The following PALLD variants were observed in gnomAD, a reference collection of about 807,000 sequenced individuals.
The protein encoded by PALLD is palladin, cytoskeletal associated protein.
A neutral mutation model predicts 123.5 loss-of-function variants in PALLD; 61 were observed. The observed-to-expected ratio is 0.49, with a 90% CI of 0.40 to 0.61. PALLD has a LOEUF of 0.61. PALLD is among the 20% of genes least tolerant of loss of function. The pLI, the probability that PALLD is intolerant of heterozygous loss-of-function variation, is 0.00. For synonymous variants in PALLD, 465 were observed against 496.4 expected (o/e 0.94, Z 0.84); for missense variants, 1,273 against 1,377.0 (o/e 0.92, Z 1.20).
chr4:168,513,727 A>G (rs1762739932), intron 2 of PALLD, among the ~76,000 whole-genome samples: 4 of 152,222 alleles, frequency 2.6e-5, no homozygotes, highest in Admixed American at 2.6e-4. Flanking sequence ...ATTATACTAC[A>G]CAAATAATGA....
chr4:168,598,180 G>A (rs576969718), intron 2 of PALLD: 2 of 293,198 alleles, frequency 6.8e-6, no homozygotes, highest in Non-Finnish European at 1.4e-5. Context: ...TAAAACTTTG[G>A]AACCACTGGC....
At chr4:168,672,477 G>C (rs766408631) in intron 3 of PALLD, among the ~76,000 whole-genome samples, 14 of 109,892 alleles carry the variant, frequency 1.3e-4, no homozygotes, top group Non-Finnish European at 3.6e-5. Context: ...TTTTTTTTTT[G>C]AGACGGAGTC....
intron 2 of PALLD, among the ~76,000 whole-genome samples, chr4:168,541,617 AT>A (rs570935622): frequency 2.3e-4 from 35 of 151,818 alleles, no homozygotes; most frequent in Non-Finnish European, 4.9e-4. Flanking sequence ...CACCTGGCTA[AT>A]TTTTTTGTAT....
At chr4:168,537,379 G>T (rs987453821) in intron 2 of PALLD, among the ~76,000 whole-genome samples, 2 of 152,164 alleles carry the variant, frequency 1.3e-5, no homozygotes, top group African/African-American at 2.4e-5. Context: ...TATTTTCAAT[G>T]ATTGAAGCAA....
chr4:168,502,350 C>CAAA (rs1761502249), intron 1 of PALLD, among the ~76,000 whole-genome samples: 4 of 152,096 alleles, frequency 2.6e-5, no homozygotes, highest in Non-Finnish European at 1.5e-5. Flanking sequence ...GAGAAACTTT[C>CAAA]TTTGAGGGTA....
chr4:168,663,066 TA>T (rs1203343602), intron 2 of PALLD, among the ~76,000 whole-genome samples: 3 of 152,252 alleles, frequency 2.0e-5, no homozygotes, highest in Non-Finnish European at 4.4e-5. Flanking sequence ...TGGCCGATAT[TA>T]AACTATTTGT....
In PALLD at chr4:168,510,806, C is replaced by T. The variant is rs192289951; in HGVS notation, c.-82-617C>T. Among the ~76,000 whole-genome samples, 205 of 152,266 alleles carry T rather than the reference C, an allele frequency of 1.3e-3. 1 individual carries two copies. The highest frequency in any genetic ancestry group is 8.5e-4 in the Non-Finnish European group (58 of 68,020). The stretch of plus-strand genomic sequence containing the variant: ...TTGAGTAATTATAATAGAGGCTGAA[C>T]AGCTCACAAAGTCAAGAGTATCTAC... On this transcript the variant is annotated intron_variant, in intron 1 of 21. Coordinates refer to ENST00000505667, the MANE Select transcript of PALLD (RefSeq NM_001166108.2).
intron 10 of PALLD, among the ~76,000 whole-genome samples, chr4:168,858,545 G>A (rs1472290044): frequency 6.6e-6 from 1 of 151,934 alleles, no homozygotes; most frequent in Non-Finnish European, 1.5e-5. Flanking sequence ...CACTTTGGGA[G>A]GCCAACTCAG....
intron 8 of PALLD, among the ~76,000 whole-genome samples, chr4:168,707,468 A>G (rs760016489): frequency 4.6e-5 from 7 of 152,216 alleles, no homozygotes; most frequent in Middle Eastern, 3.2e-3. Flanking sequence ...TGTCTGCTCC[A>G]TATGGTCTCT....
At chr4:168,770,251 T>G (rs1441748712) in intron 10 of PALLD, among the ~76,000 whole-genome samples, 1 of 152,228 alleles carries the variant, frequency 6.6e-6, no homozygotes, top group Non-Finnish European at 1.5e-5. Context: ...TAAAAGAATT[T>G]GCTAGCACTT....
At chr4:168,576,521 A>G (rs1025887094) in intron 2 of PALLD, among the ~76,000 whole-genome samples, 1 of 152,118 alleles carries the variant, frequency 6.6e-6, no homozygotes, top group African/African-American at 2.4e-5. Context: ...TTTGCTGAGA[A>G]TGATGGTTTC....
chr4:168,512,058 C>T lies in PALLD; in HGVS notation c.554C>T (p.Ala185Val). The T allele has an allele frequency of 6.2e-7, 1 of 1,614,222 alleles. No homozygotes were observed. Among genetic ancestry groups the T allele is most frequent in the Non-Finnish European group, 8.5e-7 (1 of 1,180,040 alleles). ...LIEELTSIFK[A>V]AKPRNRSPNG... ...GAGGAGCTAACATCCATATTTAAAG[C>T]CGCAAAGCCAAGAAACAGAAGCCCA... Residue 185 changes from alanine to valine, a missense_variant, in exon 2 of 22, where the codon GCC (alanine) becomes GTC (valine). By Grantham distance (64) the Ala-to-Val change is moderately conservative (BLOSUM62 0). Around this residue, in one of 2 missense-constraint regions of PALLD, gnomAD observed 944 missense variants for 954.5 expected, o/e 0.99. Transcript: ENST00000505667.
rs1221108877 is a variant in PALLD at position 168,921,570 on chromosome 4, C to A, written c.2887C>A (p.Leu963Ile). The A allele has an allele frequency of 6.2e-7, 1 of 1,608,694 alleles. No individual in the cohort carries two copies. The change falls in exon 18 of 22, where the codon CTA (leucine) becomes ATA (isoleucine). Residue 963 changes from leucine (L) to isoleucine (I), a missense_variant. Leu to Ile is a conservative substitution (Grantham distance 5). Coordinates refer to ENST00000505667, the MANE Select transcript of PALLD (RefSeq NM_001166108.2). ...GLPTPDLSWQ[L>I]DGKPVRPDSA... The stretch of plus-strand genomic sequence containing the variant: ...ACCAACCCCAGATCTAAGCTGGCAA[C>A]TAGATGGAAAGCCCGTACGCCCTGA...
chr4:168,638,530 G>A (rs538242314), intron 2 of PALLD, among the ~76,000 whole-genome samples: 18 of 152,252 alleles, frequency 1.2e-4, no homozygotes, highest in African/African-American at 2.4e-4. Flanking sequence ...CCATTCTGGC[G>A]GCTATAACGA....
intron 2 of PALLD, among the ~76,000 whole-genome samples, chr4:168,603,191 A>T (rs999277259): frequency 6.6e-6 from 1 of 152,210 alleles, no homozygotes; most frequent in South Asian, 2.1e-4. Context: ...TTTTTTAAAG[A>T]TCCTAAGCAA....
chr4:168,687,089 A>G (rs1782138876), intron 6 of PALLD, among the ~76,000 whole-genome samples: 1 of 152,232 alleles, frequency 6.6e-6, no homozygotes, highest in Non-Finnish European at 1.5e-5. Flanking sequence ...CTAGTAAACT[A>G]AAGACAAATG....
chr4:168,868,667 A>G (rs933102254), intron 10 of PALLD, among the ~76,000 whole-genome samples: 3 of 152,222 alleles, frequency 2.0e-5, no homozygotes, highest in African/African-American at 7.2e-5. Context: ...GCCTCAACAC[A>G]GGCACTCAAT....
chr4:168,772,086 T>C (rs1734535222), intron 10 of PALLD, among the ~76,000 whole-genome samples: 1 of 152,312 alleles, frequency 6.6e-6, no homozygotes, highest in South Asian at 2.1e-4. Context: ...ATACTTAGTA[T>C]GTGCCTAGCA....
intron 2 of PALLD, among the ~76,000 whole-genome samples, chr4:168,563,097 A>AG (rs1768023163): frequency 6.6e-6 from 1 of 152,134 alleles, no homozygotes. Flanking sequence ...GGCCTGAGCA[A>AG]GTGAGTGGAT....
Sources: gnomAD v4.1 joint callset for allele counts (sites outside exome capture counted in the v4.1 genomes callset) on GRCh38, gnomAD v4.1.1 for gene constraint, gnomAD v4.1.1 regional missense constraint, MANE v1.5 for transcripts, NCBI Gene and HGNC (gene_info 2026-07-23, HGNC 2026-07-21) for gene names.